NRXN1: variants seen among roughly 807,000 people sequenced by gnomAD.
NRXN1 encodes neurexin 1, also known as neurexin-1.
Under a neutral mutation model 150.9 loss-of-function variants are expected in NRXN1, and 39 were observed. The ratio of observed to expected loss-of-function variants is 0.26; its 90% confidence interval spans 0.20 to 0.34. NRXN1 has a LOEUF of 0.34. Ranked by LOEUF, NRXN1 falls within the 10% of genes least tolerant of loss-of-function variation. The pLI is 1.00. For missense variants in NRXN1, 1,815 were observed against 1,949.9 expected (o/e 0.93, Z 1.30); for synonymous variants, 924 against 757.0 (o/e 1.22, Z -3.62).
chr2:50,720,137 T>C (rs1355524884), intron 5 of NRXN1, among the ~76,000 whole-genome samples: 4 of 152,190 alleles, frequency 2.6e-5, no homozygotes, highest in East Asian at 1.9e-4. Context: ...GTCTGATTTT[T>C]GGATCAGAAC....
At chr2:50,711,684 C>T (rs930776046) in intron 5 of NRXN1, among the ~76,000 whole-genome samples, 2 of 152,006 alleles carry the variant, frequency 1.3e-5, no homozygotes, top group African/African-American at 4.8e-5. Flanking sequence ...TTTAATATGT[C>T]TCCAAAACTC....
In NRXN1 at chr2:50,829,578, T is replaced by C; in HGVS notation, c.832+92291A>G. ...GGTTTTCTTAAACTGAAGGTCCATG[T>C]AGCCATCGTCTGTGCTGGAGAGCCT... is the stretch of plus-strand genomic sequence containing the variant. On this transcript the variant is annotated intron_variant, in intron 5 of 22. Transcript: ENST00000401669. The C allele has an allele frequency of 4.3e-6, 7 of 1,612,026 alleles. No homozygotes were observed. In the South Asian group the frequency reaches 6.6e-5, roughly 15 times the overall value.
intron 18 of NRXN1, among the ~76,000 whole-genome samples, chr2:50,202,149 G>A (rs1287099375): frequency 1.3e-5 from 2 of 152,252 alleles, no homozygotes; most frequent in African/African-American, 2.4e-5. Context: ...CACAAACAAA[G>A]GGCTACAGCA....
intron 5 of NRXN1, among the ~76,000 whole-genome samples, chr2:50,757,290 A>G (rs1379913976): frequency 6.6e-6 from 1 of 151,832 alleles, no homozygotes; most frequent in Admixed American, 6.6e-5. Flanking sequence ...CCACACAGAG[A>G]GTGAGGCATG....
At chr2:50,844,521 T>C (rs1673350288) in intron 5 of NRXN1, among the ~76,000 whole-genome samples, 1 of 152,194 alleles carries the variant, frequency 6.6e-6, no homozygotes, top group African/African-American at 2.4e-5. Flanking sequence ...GTTTGTCTTA[T>C]CAATATTTCG....
chr2:50,318,128 T>A (rs1368271189), intron 17 of NRXN1, among the ~76,000 whole-genome samples: 1 of 151,508 alleles, frequency 6.6e-6, no homozygotes, highest in African/African-American at 2.4e-5. Context: ...TGATAAATAA[T>A]CTAATAGGAA....
At chr2:50,940,132 T>A (rs1232896579) in intron 2 of NRXN1, among the ~76,000 whole-genome samples, 2 of 152,172 alleles carry the variant, frequency 1.3e-5, no homozygotes, top group Non-Finnish European at 2.9e-5. Context: ...AGTTTTTCAA[T>A]CCATGAACTT....
At chr2:50,606,173 C>T (rs1386103258) in intron 8 of NRXN1, among the ~76,000 whole-genome samples, 3 of 141,540 alleles carry the variant, frequency 2.1e-5, no homozygotes, top group African/African-American at 7.9e-5. Context: ...TGGTTGAACC[C>T]GGGAGGTGGA....
At chr2:50,698,204 G>C (rs966659326) in intron 5 of NRXN1, among the ~76,000 whole-genome samples, 2 of 152,216 alleles carry the variant, frequency 1.3e-5, no homozygotes, top group Non-Finnish European at 2.9e-5. Context: ...GATATTCGTT[G>C]ACAGTATAAG....
intron 21 of NRXN1, among the ~76,000 whole-genome samples, chr2:49,995,295 C>T (rs1573293562): frequency 6.6e-6 from 1 of 152,168 alleles, no homozygotes; most frequent in South Asian, 2.1e-4. Flanking sequence ...CCTTCTTTTA[C>T]TTTTTAAAAA....
At chr2:50,833,332 T>C (rs1574642201) in intron 5 of NRXN1, among the ~76,000 whole-genome samples, 1 of 152,288 alleles carries the variant, frequency 6.6e-6, no homozygotes, top group East Asian at 1.9e-4. Context: ...CTTTTAGATG[T>C]TTATCCAAGA....
intron 17 of NRXN1, among the ~76,000 whole-genome samples, chr2:50,397,358 T>C (rs1396279662): frequency 6.6e-6 from 1 of 152,058 alleles, no homozygotes; most frequent in Non-Finnish European, 1.5e-5. Context: ...ACCACTCTTC[T>C]AAGGTTTCTG....
At chr2:49,943,919 GAC>G in intron 21 of NRXN1, 128 bp from the exon 22 acceptor site, 1 of 737,188 alleles carries the variant, frequency 1.4e-6, no homozygotes, top group South Asian at 1.5e-5. Flanking sequence ...CCTTTCTAAA[GAC>G]ACAGAGCTTA....
At chr2:50,142,450 A>G (rs954858059) in intron 18 of NRXN1, among the ~76,000 whole-genome samples, 1 of 151,938 alleles carries the variant, frequency 6.6e-6, no homozygotes, top group Admixed American at 6.6e-5. Flanking sequence ...CAAAATAGCT[A>G]GAAGAGAGGA....
chr2:51,004,091 A>T (rs1700404922), intron 2 of NRXN1, among the ~76,000 whole-genome samples: 2 of 151,506 alleles, frequency 1.3e-5, no homozygotes, highest in South Asian at 4.2e-4. Context: ...AACTTAGAAG[A>T]CATTGAACCA....
chr2:50,158,074 T>TGTGC (rs2059134979), intron 18 of NRXN1, among the ~76,000 whole-genome samples: 1 of 111,246 alleles, frequency 9.0e-6, no homozygotes, highest in African/African-American at 3.6e-5. Flanking sequence ...AGTGTGTGTG[T>TGTGC]GTGTGTGTGT....
chr2:50,644,514 T>C (rs1305650404), intron 5 of NRXN1, among the ~76,000 whole-genome samples: 1 of 151,706 alleles, frequency 6.6e-6, no homozygotes, highest in African/African-American at 2.4e-5. Context: ...TTCATCTCTA[T>C]GACCCTACAG....
chr2:50,731,150 A>G (rs553632739), intron 5 of NRXN1, among the ~76,000 whole-genome samples: 2 of 152,310 alleles, frequency 1.3e-5, no homozygotes, highest in African/African-American at 4.8e-5. Context: ...AGAAACACCA[A>G]TGAAATTAAA....
At chr2:50,522,750 T>TG (rs2092828655) in intron 12 of NRXN1, among the ~76,000 whole-genome samples, 2 of 98,032 alleles carry the variant, frequency 2.0e-5, no homozygotes, top group Non-Finnish European at 4.6e-5. Context: ...TTTTTTTTTT[T>TG]GAGAGGAGTC....
Sources: allele counts gnomAD v4.1 joint callset (sites outside exome capture counted in the v4.1 genomes callset), GRCh38; gene constraint gnomAD v4.1.1; transcripts MANE v1.5; gene names NCBI Gene and HGNC (gene_info 2026-07-23, HGNC 2026-07-21).